Variants in DPP10 observed in about 807,000 individuals in gnomAD.
DPP10 encodes inactive dipeptidyl peptidase 10.
DPP10 carries 33 observed loss-of-function variants against 120.9 expected under a neutral mutation model. The observed-to-expected ratio is 0.27, with a 90% CI of 0.21 to 0.37. DPP10 has a LOEUF of 0.37. Among genes scored for constraint, DPP10 ranks in the 10% least tolerant of loss-of-function variants. The probability of loss-of-function intolerance (pLI) is 1.00; values close to 1 mark genes in which losing one functional copy is unlikely to be tolerated. For synonymous variants in DPP10, 337 were observed against 326.1 expected (o/e 1.03, Z -0.36); for missense variants, 816 against 942.8 (o/e 0.87, Z 1.76).
chr2:115,464,371 T>C (rs2074176252), intron 3 of DPP10, among the ~76,000 whole-genome samples: 1 of 151,668 alleles, frequency 6.6e-6, no homozygotes, highest in Non-Finnish European at 1.5e-5. Context: ...CAGATTTGAA[T>C]TGAGAATCAT....
intron 1 of DPP10, among the ~76,000 whole-genome samples, chr2:114,466,059 A>G (rs1365234242): frequency 6.6e-6 from 1 of 152,216 alleles, no homozygotes; most frequent in Non-Finnish European, 1.5e-5. Context: ...ACTTGGAAAG[A>G]AATAATACTA....
chr2:115,778,127 A>G (rs1006246572), intron 15 of DPP10, among the ~76,000 whole-genome samples: 6 of 152,014 alleles, frequency 3.9e-5, no homozygotes, highest in Non-Finnish European at 8.8e-5. Context: ...TCCACATCAG[A>G]GAGATTTACG....
chr2:114,856,934 C>T (rs1177749107), intron 1 of DPP10, among the ~76,000 whole-genome samples: 1 of 151,976 alleles, frequency 6.6e-6, no homozygotes, highest in Non-Finnish European at 1.5e-5. Context: ...CTGTCCATTA[C>T]AATAAATACA....
chr2:114,497,184 T>C (rs1268807486), intron 1 of DPP10, among the ~76,000 whole-genome samples: 1 of 149,652 alleles, frequency 6.7e-6, no homozygotes, highest in Non-Finnish European at 1.5e-5. Flanking sequence ...CATGTGTACG[T>C]GTATACATGT....
chr2:115,588,049 T>TA (rs1260386817), intron 5 of DPP10, among the ~76,000 whole-genome samples: 6 of 152,182 alleles, frequency 3.9e-5, no homozygotes, highest in Non-Finnish European at 5.9e-5. Flanking sequence ...AAAACTTATG[T>TA]AAAAAATCTA....
At position 115,844,923 on chromosome 2, in the gene DPP10, CTT is replaced by C. The variant is rs1188727001; in HGVS notation, c.*2580_*2581del. 6.6e-6 allele frequency: 1 copy of C among 152,174 alleles called. No homozygotes were observed. The highest frequency in any genetic ancestry group is 1.5e-5 in the Non-Finnish European group (1 of 68,030). The allele number at this position is 152,174 out of a possible 1,614,324, so 9.4% of individuals were successfully genotyped here. ...GAGACTAAGCAGGCTATTCTCATCT[CTT>C]TGAGTTTCCTGACAGAACTAAAGGA... On this transcript the variant is annotated 3_prime_UTR_variant, in exon 26 of 26. Transcript: ENST00000410059.
At chr2:114,691,556 G>T (rs1217839414) in intron 1 of DPP10, among the ~76,000 whole-genome samples, 2 of 152,056 alleles carry the variant, frequency 1.3e-5, no homozygotes, top group African/African-American at 4.8e-5. Flanking sequence ...CCAGGTTTTT[G>T]TATCCGGATG....
chr2:114,774,431 T>C (rs1156547638), intron 1 of DPP10, among the ~76,000 whole-genome samples: 1 of 151,552 alleles, frequency 6.6e-6, no homozygotes, highest in African/African-American at 2.4e-5. Context: ...GGCTTGCTTA[T>C]TGGAGAATAA....
chr2:115,520,210 C>T (rs907337270), intron 4 of DPP10, among the ~76,000 whole-genome samples: 8 of 151,946 alleles, frequency 5.3e-5, no homozygotes, highest in Non-Finnish European at 8.8e-5. Flanking sequence ...CCCAGCTACT[C>T]GGGAGGCTGA....
intron 1 of DPP10, among the ~76,000 whole-genome samples, chr2:114,606,710 T>A (rs1204062719): frequency 6.6e-6 from 1 of 152,130 alleles, no homozygotes; most frequent in Non-Finnish European, 1.5e-5. Context: ...GCTTAGTATC[T>A]CACATTCACA....
At chr2:115,259,743 C>T (rs894767765) in intron 1 of DPP10, among the ~76,000 whole-genome samples, 19 of 151,984 alleles carry the variant, frequency 1.3e-4, no homozygotes, top group Non-Finnish European at 5.9e-5. Flanking sequence ...GACCATTTAG[C>T]GGCCTCTGTC....
chr2:115,751,804 T>TTG (rs3043941), intron 10 of DPP10, among the ~76,000 whole-genome samples: 63,611 of 132,870 alleles, frequency 0.48, 16,060 homozygotes, highest in East Asian at 0.67. Context: ...TTTTTTGTTG[T>TTG]TTTTTTTTTT....
At chr2:115,363,011 C>G (rs571213832) in intron 3 of DPP10, among the ~76,000 whole-genome samples, 1 of 152,294 alleles carries the variant, frequency 6.6e-6, no homozygotes, top group Non-Finnish European at 1.5e-5. Flanking sequence ...CTTGAACATT[C>G]ATTACTGGGT....
intron 1 of DPP10, among the ~76,000 whole-genome samples, chr2:114,532,847 G>A (rs1686150239): frequency 6.6e-6 from 1 of 152,130 alleles, no homozygotes; most frequent in Non-Finnish European, 1.5e-5. Flanking sequence ...AGACCACGTG[G>A]TGGGGTTAAG....
intron 1 of DPP10, among the ~76,000 whole-genome samples, chr2:115,225,733 T>TC (rs1201235469): frequency 6.6e-6 from 1 of 152,238 alleles, no homozygotes; most frequent in East Asian, 1.9e-4. Flanking sequence ...TTGTGCTAGT[T>TC]TTCTTTATTT....
chr2:115,530,842 C>A (rs534226787), intron 5 of DPP10, among the ~76,000 whole-genome samples: 15 of 152,190 alleles, frequency 9.9e-5, no homozygotes, highest in Middle Eastern at 6.8e-3. Flanking sequence ...GAGGTATAGC[C>A]CCAGCTTTGG....
intron 1 of DPP10, among the ~76,000 whole-genome samples, chr2:114,532,799 T>C (rs892843728): frequency 1.3e-5 from 2 of 152,176 alleles, no homozygotes; most frequent in African/African-American, 4.8e-5. Context: ...AAAGTTTACA[T>C]GGATGAGTCT....
chr2:115,481,689 A>T (rs61080124), intron 3 of DPP10, among the ~76,000 whole-genome samples: 21,158 of 151,966 alleles, frequency 0.14, 3,239 homozygotes, highest in African/African-American at 0.37. Flanking sequence ...AAATTTACTG[A>T]TAAAGTAATT....
At chr2:114,881,324 A>G (rs772478433) in intron 1 of DPP10, among the ~76,000 whole-genome samples, 137 of 152,136 alleles carry the variant, frequency 9.0e-4, no homozygotes, top group Non-Finnish European at 1.7e-3. Context: ...GATAATATTC[A>G]GATGCCAAAA....
Sources: gnomAD v4.1 joint callset for allele counts (sites outside exome capture counted in the v4.1 genomes callset) on GRCh38, gnomAD v4.1.1 for gene constraint, MANE v1.5 for transcripts, NCBI Gene and HGNC (gene_info 2026-07-23, HGNC 2026-07-21) for gene names.